Variants in CYTH1 observed in about 807,000 individuals in gnomAD.
CYTH1 encodes the protein cytohesin 1.
Under a neutral mutation model 61.8 loss-of-function variants are expected in CYTH1, and 18 were observed. That is an observed-to-expected ratio of 0.29 (90% CI 0.20 to 0.43). The LOEUF is 0.43. CYTH1 is among the 20% of genes least tolerant of loss of function. The pLI, the probability that CYTH1 is intolerant of heterozygous loss-of-function variation, is 1.00. For missense variants in CYTH1, 336 were observed against 510.5 expected (o/e 0.66, Z 3.29); for synonymous variants, 174 against 184.3 (o/e 0.94, Z 0.45).
chr17:78,740,177 C>T (rs970671434), intron 1 of CYTH1, among the ~76,000 whole-genome samples: 4 of 152,148 alleles, frequency 2.6e-5, no homozygotes, highest in African/African-American at 9.7e-5. Flanking sequence ...CTCAAATGAT[C>T]CACCCACCTT....
intron 10 of CYTH1, 100 bp from the exon 11 acceptor site, chr17:78,692,593 GA>G: frequency 6.2e-6 from 7 of 1,134,254 alleles, no homozygotes; most frequent in Non-Finnish European, 9.2e-6. Context: ...AGGGTTGGGG[GA>G]GAGGCATCAG....
At chr17:78,728,349 C>G (rs1938956809) in intron 1 of CYTH1, among the ~76,000 whole-genome samples, 1 of 152,012 alleles carries the variant, frequency 6.6e-6, no homozygotes, top group Non-Finnish European at 1.5e-5. Context: ...AGTTTGAGAC[C>G]AGCCTGACCA....
intron 1 of CYTH1, among the ~76,000 whole-genome samples, chr17:78,764,858 T>C (rs2093442101): frequency 6.6e-6 from 1 of 152,006 alleles, no homozygotes; most frequent in Admixed American, 6.6e-5. Flanking sequence ...TCCTGCCTTG[T>C]GGAGTTTCCA....
Position 78,781,511 on chromosome 17 carries a change from C to T in CYTH1, c.22+691G>A, listed in dbSNP as rs547042705. ...GAGGAGCGGCGTCCCCACCGCGGTG[C>T]CCCTCGGGCTCCACACCCGCGTCTC... On this transcript the variant is annotated intron_variant, in intron 1 of 13. Coordinates refer to ENST00000446868, the MANE Select transcript of CYTH1 (RefSeq NM_004762.6). Among the ~76,000 whole-genome samples the T allele has an allele frequency of 3.0e-3, 460 of 152,270 alleles. 3 individuals are homozygous for T. The highest frequency in any genetic ancestry group is 9.8e-3 in the African/African-American group (408 of 41,576).
At chr17:78,709,572 G>A in intron 2 of CYTH1, 78 bp downstream of exon 2, 1 of 1,494,396 alleles carries the variant, frequency 6.7e-7, no homozygotes, top group South Asian at 1.1e-5. Context: ...GAGACACTCT[G>A]CAAAGGACAC....
intron 1 of CYTH1, among the ~76,000 whole-genome samples, chr17:78,709,939 G>C (rs2093110974): frequency 6.6e-6 from 1 of 152,240 alleles, no homozygotes; most frequent in Admixed American, 6.5e-5. Context: ...AAAGCTCTGA[G>C]AAACTCTTGG....
intron 13 of CYTH1, chr17:78,676,877 A>G: frequency 2.5e-6 from 1 of 398,640 alleles, no homozygotes; most frequent in Non-Finnish European, 5.0e-6. Flanking sequence ...TCGACTTTCA[A>G]GCAACTTATG....
In CYTH1 at chr17:78,706,566, T is replaced by A. The variant is rs574770586; in HGVS notation, c.170+1631A>T. On this transcript the variant is annotated intron_variant, in intron 3 of 13. Transcript: ENST00000446868. ...ATTCAGGGTATTTCCAGCTTTTGGT[T>A]ATTTTATATAAGAATGCTATAGATA... Among the ~76,000 whole-genome samples the A allele has an allele frequency of 1.1e-4, 17 of 152,358 alleles. No homozygotes were observed. The South Asian group carries it at 3.3e-3, about 30-fold the overall frequency.
chr17:78,689,891 G>A (rs1484897900), intron 11 of CYTH1, among the ~76,000 whole-genome samples: 2 of 151,950 alleles, frequency 1.3e-5, no homozygotes, highest in South Asian at 2.1e-4. Context: ...AGACTGCCGG[G>A]TCTCCTCAAA....
At chr17:78,748,133 G>A (rs1280678145) in intron 1 of CYTH1, among the ~76,000 whole-genome samples, 1 of 152,082 alleles carries the variant, frequency 6.6e-6, no homozygotes, top group Non-Finnish European at 1.5e-5. Context: ...CTCACTGTCC[G>A]CCACTGCACC....
chr17:78,708,146 G>T, intron 3 of CYTH1, 51 bp downstream of exon 3: 1 of 1,579,908 alleles, frequency 6.3e-7, no homozygotes, highest in Non-Finnish European at 8.7e-7. Context: ...AGGCCTGGGT[G>T]CTTTAAGGAA....
intron 3 of CYTH1, among the ~76,000 whole-genome samples, chr17:78,707,337 G>A (rs2093078146): frequency 1.3e-5 from 2 of 152,024 alleles, no homozygotes; most frequent in South Asian, 2.1e-4. Context: ...AAACGGTCTG[G>A]GAACCCCATT....
At chr17:78,714,075 A>G (rs898654270) in intron 1 of CYTH1, among the ~76,000 whole-genome samples, 16 of 152,186 alleles carry the variant, frequency 1.1e-4, no homozygotes, top group Non-Finnish European at 1.3e-4. Context: ...GGATCACGTG[A>G]GGCCAGGAGT....
Position 78,697,603 on chromosome 17 carries a change from G to GA in CYTH1, c.811+665dup, listed in dbSNP as rs1201781120. 1.6e-4 allele frequency among the ~76,000 whole-genome samples: 22 copies of GA among 141,904 alleles called. 4 individuals carry two copies. Among genetic ancestry groups the GA allele is most frequent in the East Asian group, 4.2e-4 (2 of 4,802 alleles). 93.1% of individuals were successfully genotyped at this position (141,904 alleles called of 152,430 possible). ...GGCTGATTCAGATTGAAAAGGAGGGGAAAAAAAAAAGAAAAAAAAAAAACC... is the reference window on the plus strand; with the variant it reads ...GGCTGATTCAGATTGAAAAGGAGGGGAAAAAAAAAAAGAAAAAAAAAAAACC... On this transcript the variant is annotated intron_variant, in intron 9 of 13. Coordinates refer to ENST00000446868, the MANE Select transcript of CYTH1 (RefSeq NM_004762.6).
At chr17:78,726,966 CT>C (rs1230649058) in intron 1 of CYTH1, among the ~76,000 whole-genome samples, 5 of 152,256 alleles carry the variant, frequency 3.3e-5, no homozygotes, top group African/African-American at 9.6e-5. Context: ...CCACTACTGA[CT>C]TCCCATCCTC....
At chr17:78,698,133 GCACA>G (rs1204035558) in intron 9 of CYTH1, 132 bp downstream of exon 9, 1 of 746,564 alleles carries the variant, frequency 1.3e-6, no homozygotes, top group Non-Finnish European at 2.3e-6. Context: ...GCATGCGCGT[GCACA>G]CACACGCACG....
At chr17:78,716,981 T>C (rs1434394569) in intron 1 of CYTH1, 1 of 152,196 alleles carries the variant, frequency 6.6e-6, no homozygotes, top group African/African-American at 2.4e-5. Flanking sequence ...GGGAAACCCG[T>C]CTATTCATGC....
intron 11 of CYTH1, among the ~76,000 whole-genome samples, chr17:78,686,068 G>C (rs1247737826): frequency 6.6e-6 from 1 of 152,134 alleles, no homozygotes; most frequent in African/African-American, 2.4e-5. Flanking sequence ...ATCACCTCAT[G>C]CCACACTGTA....
chr17:78,760,511 ATATATG>A (rs1341121849), intron 1 of CYTH1, among the ~76,000 whole-genome samples: 3 of 50,476 alleles, frequency 5.9e-5, no homozygotes, highest in Admixed American at 2.2e-4. Context: ...ATATATGTAT[ATATATG>A]TATATATATA....
Sources: allele counts gnomAD v4.1 joint callset (sites outside exome capture counted in the v4.1 genomes callset), GRCh38; gene constraint gnomAD v4.1.1; transcripts MANE v1.5; gene names NCBI Gene and HGNC (gene_info 2026-07-23, HGNC 2026-07-21).